ZNF449: variants seen among roughly 807,000 people sequenced by gnomAD.
The protein encoded by ZNF449 is zinc finger and SCAN domain-containing protein 19.
ZNF449 carries 4 observed loss-of-function variants against 32.6 expected under a neutral mutation model. The ratio of observed to expected loss-of-function variants is 0.12; its 90% confidence interval spans 0.06 to 0.28. ZNF449 has a LOEUF of 0.28. Ranked by LOEUF, ZNF449 falls within the 10% of genes least tolerant of loss-of-function variation. The pLI, the probability that ZNF449 is intolerant of heterozygous loss-of-function variation, is 1.00. For synonymous variants in ZNF449, 123 were observed against 132.2 expected (o/e 0.93, Z 0.48); for missense variants, 275 against 383.2 (o/e 0.72, Z 2.36).
In ZNF449 at chrX:135,360,957, A is replaced by T; in HGVS notation, c.1438A>T (p.Ile480Phe). 1.7e-6 allele frequency: 2 copies of T among 1,211,581 alleles called. No homozygotes were observed. Among genetic ancestry groups the T allele is most frequent in the Non-Finnish European group, 2.2e-6 (2 of 895,285 alleles). The change falls in exon 5 of 5, where the codon ATT becomes TTT. Residue 480 changes from isoleucine (I) to phenylalanine (F), a missense_variant. Ile to Phe is a conservative substitution (Grantham distance 21). This residue lies in a region of ZNF449 where 80 missense variants were observed against 146.6 expected (regional missense o/e 0.55). Transcript: ENST00000339249. ...KSFRQRPSLV[I>F]HLRIHTGEKP... is the part of the protein sequence containing the mutation. ...TTTTAGACAGAGACCAAGCCTCGTTATTCATTTAAGAATCCACACAGGGGA... is the reference window on the plus strand; with the variant it reads ...TTTTAGACAGAGACCAAGCCTCGTTTTTCATTTAAGAATCCACACAGGGGA...
In ZNF449 at chrX:135,361,192, G is replaced by GA; in HGVS notation, c.*116_*117insA. 1 of 638,017 alleles carries GA rather than the reference G, an allele frequency of 1.6e-6. No homozygotes were observed. Among genetic ancestry groups the GA allele is most frequent in the Non-Finnish European group, 2.3e-6 (1 of 440,594 alleles). 52.6% of individuals were successfully genotyped at this position (638,017 alleles called of 1,213,427 possible). ...GTTTGAGCTTATAAGAACATAGACA[G>GA]CTTTTTTTTTTACTAGTTTTAAAAC... On this transcript the variant is annotated 3_prime_UTR_variant, in exon 5 of 5. Coordinates refer to ENST00000339249, the MANE Select transcript of ZNF449 (RefSeq NM_152695.6).
intron 3 of ZNF449, among the ~76,000 whole-genome samples, chrX:135,354,669 C>T (rs1556451351): frequency 1.8e-5 from 2 of 111,624 alleles, no homozygotes; most frequent in Non-Finnish European, 3.8e-5. Flanking sequence ...TGAAAGCTGG[C>T]ACCAGGAGTA....
At chrX:135,346,558 AAG>A (rs3834999) in intron 1 of ZNF449, among the ~76,000 whole-genome samples, 27,477 of 111,370 alleles carry the variant, frequency 0.25, 2,749 homozygotes, top group South Asian at 0.45. Flanking sequence ...GTTAAATGCA[AAG>A]AGATCTATAA....
chrX:135,359,927 T>C lies in ZNF449; in HGVS notation c.595T>C (p.Leu199=). 8.3e-7 allele frequency: 1 copy of C among 1,198,661 alleles called. No individual in the cohort carries two copies. Among genetic ancestry groups the C allele is most frequent in the Non-Finnish European group, 1.1e-6 (1 of 887,026 alleles). The change falls in exon 4 of 5, where the codon TTG becomes CTG. Residue 199 remains leucine, a synonymous_variant. Coordinates refer to ENST00000339249, the MANE Select transcript of ZNF449 (RefSeq NM_152695.6). ...PLPKLDMNFS[L]ENREEPWVKE... is the part of the protein sequence containing the mutation. The stretch of plus-strand genomic sequence containing the variant: ...ACCAAAACTTGACATGAACTTCTCA[T>C]TGGAGAATAGAGAAGAGCCATGGGT...
chrX:135,358,808 A>T (rs2084930872), intron 3 of ZNF449, among the ~76,000 whole-genome samples: 1 of 111,585 alleles, frequency 9.0e-6, no homozygotes, highest in South Asian at 3.7e-4. Flanking sequence ...TTGATCTATT[A>T]CCTTGAATTT....
rs148577059 is a variant in ZNF449, at chrX:135,346,351, T to C, written c.-100-668T>C. On this transcript the variant is annotated intron_variant, in intron 1 of 4. Coordinates refer to ENST00000339249, the MANE Select transcript of ZNF449 (RefSeq NM_152695.6). ...TACGCAGACTCGGTGAGGACAAGAATGAGAGATGGACAATTTGCTGCCTTT... is the reference window on the plus strand; with the variant it reads ...TACGCAGACTCGGTGAGGACAAGAACGAGAGATGGACAATTTGCTGCCTTT... Among the ~76,000 whole-genome samples the C allele has an allele frequency of 3.7e-3, 414 of 112,127 alleles. 2 individuals are homozygous for C. The highest frequency in any genetic ancestry group is 0.013 in the African/African-American group (393 of 30,819).
chrX:135,346,809 G>T (rs979606213), intron 1 of ZNF449, among the ~76,000 whole-genome samples: 3 of 112,292 alleles, frequency 2.7e-5, no homozygotes, highest in Non-Finnish European at 5.6e-5. Flanking sequence ...GAAACTAGAT[G>T]CAGAAAAGGA....
intron 1 of ZNF449, among the ~76,000 whole-genome samples, chrX:135,345,542 C>G (rs2084838408): frequency 1.8e-5 from 2 of 112,395 alleles, no homozygotes; most frequent in African/African-American, 6.5e-5. Context: ...AGTGCTTCCT[C>G]TGTGCCGGGC....
Position 135,347,164 on chromosome X carries a change from G to A in ZNF449, c.46G>A (p.Gly16Ser). ...GCAIQASLNQ[G>S]SVFQEYDTDC... ...TGCAATCCAGGCATCCTTGAATCAAGGCTCTGTGTTTCAAGAATATGATAC... is the reference window on the plus strand; with the variant it reads ...TGCAATCCAGGCATCCTTGAATCAAAGCTCTGTGTTTCAAGAATATGATAC... The change falls in exon 2 of 5, where the codon GGC becomes AGC. Residue 16 changes from glycine (G) to serine (S), a missense_variant. Gly to Ser is a moderately conservative substitution (Grantham distance 56). Around this residue, in one of 3 missense-constraint regions of ZNF449, gnomAD observed 30 missense variants for 61.6 expected, o/e 0.49. Transcript: ENST00000339249. 1.7e-6 allele frequency: 2 copies of A among 1,211,803 alleles called. No individual in the cohort carries two copies. Among genetic ancestry groups the A allele is most frequent in the Non-Finnish European group, 2.2e-6 (2 of 895,416 alleles).
At chrX:135,346,193 A>G in intron 1 of ZNF449, among the ~76,000 whole-genome samples, 1 of 112,001 alleles carries the variant, frequency 8.9e-6, no homozygotes, top group East Asian at 2.8e-4. Flanking sequence ...CTCAATAAAT[A>G]TCCGTTGTTG....
At chrX:135,348,123 A>G (rs1267274033) in intron 2 of ZNF449, 1 of 128,358 alleles carries the variant, frequency 7.8e-6, no homozygotes, top group Non-Finnish European at 1.8e-5. Flanking sequence ...ATAAAGCTCA[A>G]GTACTACGAA....
intron 3 of ZNF449, among the ~76,000 whole-genome samples, chrX:135,350,987 A>G (rs998011387): frequency 7.2e-5 from 8 of 111,419 alleles, no homozygotes; most frequent in Non-Finnish European, 1.3e-4. Context: ...TGCAAGGGAC[A>G]TAGAAGAGCA....
chrX:135,351,877 A>G (rs2084889768), intron 3 of ZNF449, among the ~76,000 whole-genome samples: 1 of 111,601 alleles, frequency 9.0e-6, no homozygotes, highest in Admixed American at 9.6e-5. Context: ...TCTAAAGCAC[A>G]TGGAAATCTA....
intron 2 of ZNF449, 94 bp downstream of exon 2, chrX:135,347,566 C>T: frequency 1.7e-6 from 2 of 1,175,356 alleles, no homozygotes; most frequent in Non-Finnish European, 2.3e-6. Flanking sequence ...TGTCATTCCC[C>T]AGCCTCAAGA....
At chrX:135,348,586 G>A (rs1161886686) in intron 2 of ZNF449, 4 of 272,620 alleles carry the variant, frequency 1.5e-5, no homozygotes, top group Non-Finnish European at 2.4e-5. Flanking sequence ...GGATACTCCA[G>A]TCTTGTCTAT....
intron 3 of ZNF449, among the ~76,000 whole-genome samples, chrX:135,357,869 A>G (rs1239272582): frequency 9.0e-6 from 1 of 111,017 alleles, no homozygotes; most frequent in Non-Finnish European, 1.9e-5. Context: ...CTTTGAATCT[A>G]AAGTATACCT....
Position 135,360,235 on chromosome X carries a change from A to G in ZNF449, c.716A>G (p.Gln239Arg). 1 of 1,192,838 alleles carries G rather than the reference A, an allele frequency of 8.4e-7. No individual in the cohort carries two copies. Among genetic ancestry groups the G allele is most frequent in the Non-Finnish European group, 1.1e-6 (1 of 889,859 alleles). ...GAAAATGAAGAAGATACTTCAAAAC[A>G]GAAAAAAATGGAGACTATGTATCCA... ...GIENEEDTSK[Q>R]KKMETMYPFI... The change falls in exon 5 of 5, where the codon CAG (glutamine) becomes CGG (arginine). Residue 239 changes from glutamine to arginine, a missense_variant. Physicochemically the swap from Gln to Arg is conservative, Grantham distance 43. This residue lies in a region of ZNF449 where 165 missense variants were observed against 175.0 expected (regional missense o/e 0.94). Coordinates refer to ENST00000339249, the MANE Select transcript of ZNF449 (RefSeq NM_152695.6).
chrX:135,350,786 C>A (rs1281244992), intron 3 of ZNF449, among the ~76,000 whole-genome samples: 1 of 111,545 alleles, frequency 9.0e-6, no homozygotes, highest in African/African-American at 3.3e-5. Flanking sequence ...TGCCCAGGAG[C>A]ATGGAGGAGG....
At position 135,361,075 on chromosome X, in the gene ZNF449, A is replaced by G. The variant is rs782589305; in HGVS notation, c.1556A>G (p.Ter519=). The G allele has an allele frequency of 5.2e-6, 6 of 1,153,078 alleles. No homozygotes were observed. The South Asian group carries it at 1.3e-4, about 25-fold the overall frequency. Residue 519 remains the stop codon, a stop_retained_variant, in exon 5 of 5, where the codon TAA becomes TGA. Transcript: ENST00000339249. ...HQVTHFRGLI[*] ...GTCACTCACTTTAGAGGACTTATTTAAGAATTGCTAAGGGAAACAGGTCTT... is the reference window on the plus strand; with the variant it reads ...GTCACTCACTTTAGAGGACTTATTTGAGAATTGCTAAGGGAAACAGGTCTT...
Sources: allele counts gnomAD v4.1 joint callset (sites outside exome capture counted in the v4.1 genomes callset), GRCh38; gene constraint gnomAD v4.1.1; regional missense constraint gnomAD v4.1.1; transcripts MANE v1.5; gene names NCBI Gene and HGNC (gene_info 2026-07-23, HGNC 2026-07-21).